MACROD2: variants seen among roughly 807,000 people sequenced by gnomAD.
MACROD2 encodes ADP-ribose glycohydrolase MACROD2.
Under a neutral mutation model 70.4 loss-of-function variants are expected in MACROD2, and 36 were observed. The observed-to-expected ratio is 0.51, with a 90% CI of 0.39 to 0.68. The LOEUF (loss-of-function observed/expected upper bound fraction) is 0.68, where lower values mean the gene tolerates loss of function less well. Among genes scored for constraint, MACROD2 ranks in the 30% least tolerant of loss-of-function variants. The probability of loss-of-function intolerance (pLI) is 0.00; values close to 1 mark genes in which losing one functional copy is unlikely to be tolerated. For missense variants in MACROD2, 496 were observed against 538.4 expected, an observed-to-expected ratio of 0.92 and a Z score of 0.78; for synonymous variants, 172 against 178.8, an observed-to-expected ratio of 0.96 and a Z score of 0.30.
chr20:14,469,675 T>G (rs765330569), intron 3 of MACROD2, among the ~76,000 whole-genome samples: 1 of 151,984 alleles, frequency 6.6e-6, no homozygotes, highest in Non-Finnish European at 1.5e-5. Context: ...TTTCATTAAG[T>G]TGATCTTCAA....
chr20:15,856,054 G>T (rs1483914167), intron 8 of MACROD2, among the ~76,000 whole-genome samples: 2 of 152,148 alleles, frequency 1.3e-5, no homozygotes, highest in Non-Finnish European at 2.9e-5. Context: ...GAGTGAAATT[G>T]CTAGGTTATA....
chr20:15,430,446 T>G (rs951056100), intron 6 of MACROD2, among the ~76,000 whole-genome samples: 1 of 151,988 alleles, frequency 6.6e-6, no homozygotes, highest in African/African-American at 2.4e-5. Context: ...GGCATTATCT[T>G]CCTTTTACAA....
At chr20:14,219,724 T>G (rs1247248670) in intron 3 of MACROD2, among the ~76,000 whole-genome samples, 1 of 152,220 alleles carries the variant, frequency 6.6e-6, no homozygotes, top group Admixed American at 6.5e-5. Flanking sequence ...GGGTGTTCCC[T>G]TGATGTAGTA....
At chr20:15,931,953 T>A (rs2065585664) in intron 10 of MACROD2, among the ~76,000 whole-genome samples, 1 of 152,188 alleles carries the variant, frequency 6.6e-6, no homozygotes, top group Non-Finnish European at 1.5e-5. Context: ...GGGAGGATTC[T>A]CTTGCCTCGG....
chr20:14,117,106 G>A (rs902995765), intron 3 of MACROD2, among the ~76,000 whole-genome samples: 3 of 150,836 alleles, frequency 2.0e-5, no homozygotes, highest in African/African-American at 7.3e-5. Flanking sequence ...AATTTTACAT[G>A]GCTACATAGT....
In MACROD2 at chr20:14,861,368, C is replaced by T. The variant is rs116005897; in HGVS notation, c.418+176409C>T. The stretch of plus-strand genomic sequence containing the variant: ...GAAACATACTAACAGCTGGGTTCCA[C>T]GTCCTAGAGATTTTGACGTAATGAC... On this transcript the variant is annotated intron_variant, in intron 5 of 17. Transcript: ENST00000684519. Among the ~76,000 whole-genome samples, 761 of 152,200 alleles carry T rather than the reference C, an allele frequency of 5.0e-3. 6 individuals are homozygous for T. The highest frequency in any genetic ancestry group is 0.018 in the African/African-American group (728 of 41,528).
chr20:14,115,327 G>A (rs1311794842), intron 3 of MACROD2, among the ~76,000 whole-genome samples: 2 of 152,130 alleles, frequency 1.3e-5, no homozygotes, highest in South Asian at 2.1e-4. Context: ...AATAGACCCA[G>A]TGTGCTTTAT....
At chr20:15,231,722 A>G (rs373817519) in intron 6 of MACROD2, among the ~76,000 whole-genome samples, 265 of 152,158 alleles carry the variant, frequency 1.7e-3, no homozygotes, top group South Asian at 0.017. Context: ...TGGAAGAATT[A>G]TGGGCTAAGT....
At chr20:14,820,471 T>C (rs1355203689) in intron 5 of MACROD2, among the ~76,000 whole-genome samples, 1 of 150,912 alleles carries the variant, frequency 6.6e-6, no homozygotes, top group East Asian at 2.0e-4. Flanking sequence ...CTCAACTTAC[T>C]CACAAGGTCA....
intron 7 of MACROD2, among the ~76,000 whole-genome samples, chr20:15,489,853 G>C (rs1292537390): frequency 6.6e-6 from 1 of 152,064 alleles, no homozygotes. Context: ...TACTGGTCCT[G>C]TCCCTTGCTT....
intron 5 of MACROD2, among the ~76,000 whole-genome samples, chr20:15,038,169 TAATC>T (rs1389966177): frequency 1.3e-5 from 2 of 152,228 alleles, no homozygotes; most frequent in South Asian, 4.1e-4. Flanking sequence ...ACATAAGAAA[TAATC>T]ATATAGTTCT....
intron 5 of MACROD2, among the ~76,000 whole-genome samples, chr20:15,064,666 C>T (rs747223600): frequency 9.2e-5 from 14 of 152,136 alleles, no homozygotes; most frequent in Non-Finnish European, 1.3e-4. Context: ...CTCAACCTCC[C>T]GCTCCACTCA....
chr20:16,011,417 A>G (rs2066861159), intron 15 of MACROD2, among the ~76,000 whole-genome samples: 1 of 152,204 alleles, frequency 6.6e-6, no homozygotes, highest in Admixed American at 6.5e-5. Flanking sequence ...GAGTTGAACC[A>G]GTGGTAAAAA....
chr20:16,002,125 A>C (rs1472837630), intron 15 of MACROD2, among the ~76,000 whole-genome samples: 1 of 152,108 alleles, frequency 6.6e-6, no homozygotes, highest in Non-Finnish European at 1.5e-5. Context: ...AGAGATACTC[A>C]ATAAGTAGAT....
At chr20:14,293,141 TTAAACA>T (rs1451048443) in intron 3 of MACROD2, among the ~76,000 whole-genome samples, 1 of 151,560 alleles carries the variant, frequency 6.6e-6, no homozygotes, top group Non-Finnish European at 1.5e-5. Flanking sequence ...TTGTACAAAC[TTAAACA>T]TAAATATTCA....
intron 4 of MACROD2, among the ~76,000 whole-genome samples, chr20:14,567,849 TTCTA>T (rs1017046868): frequency 1.3e-5 from 2 of 152,102 alleles, no homozygotes; most frequent in African/African-American, 2.4e-5. Flanking sequence ...AAACTTCTAA[TTCTA>T]TCTGTTAAGC....
chr20:14,007,427 T>G (rs913719853), intron 2 of MACROD2, among the ~76,000 whole-genome samples: 3 of 152,110 alleles, frequency 2.0e-5, no homozygotes, highest in African/African-American at 7.2e-5. Flanking sequence ...AACATGTATA[T>G]TAAATGAGAA....
intron 1 of MACROD2, among the ~76,000 whole-genome samples, chr20:13,996,966 C>T (rs889228235): frequency 1.5e-4 from 23 of 152,192 alleles, no homozygotes; most frequent in African/African-American, 5.5e-4. Context: ...TTGCAAGTCC[C>T]GGCCTTTATG....
chr20:15,720,640 A>G (rs1600805363), intron 8 of MACROD2, among the ~76,000 whole-genome samples: 2 of 152,210 alleles, frequency 1.3e-5, no homozygotes, highest in East Asian at 1.9e-4. Flanking sequence ...TTAATCAACT[A>G]TTTTTGCTTT....
Sources: allele counts gnomAD v4.1 joint callset (sites outside exome capture counted in the v4.1 genomes callset), GRCh38; gene constraint gnomAD v4.1.1; transcripts MANE v1.5; gene names NCBI Gene and HGNC (gene_info 2026-07-23, HGNC 2026-07-21).